Variants in KCNQ1 observed in about 807,000 individuals in gnomAD.
The protein encoded by KCNQ1 is potassium voltage-gated channel subfamily Q member 1.
Under a neutral mutation model 72.4 loss-of-function variants are expected in KCNQ1, and 49 were observed. That is an observed-to-expected ratio of 0.68 (90% confidence interval 0.54 to 0.86). The LOEUF is 0.86. Ranked by LOEUF, KCNQ1 falls within the 40% of genes least tolerant of loss-of-function variation. The probability of loss-of-function intolerance (pLI) is 0.00; values close to 1 mark genes in which losing one functional copy is unlikely to be tolerated. For synonymous variants in KCNQ1, 450 were observed against 412.6 expected (o/e 1.09, Z -1.10); for missense variants, 790 against 945.1 (o/e 0.84, Z 2.15).
intron 15 of KCNQ1, among the ~76,000 whole-genome samples, chr11:2,798,970 G>T (rs1403951525): frequency 6.6e-6 from 1 of 152,148 alleles, no homozygotes; most frequent in African/African-American, 2.4e-5. Flanking sequence ...CGCGTGAAGG[G>T]TACCCACGAG....
intron 10 of KCNQ1, chr11:2,640,822 C>A (rs1003972869): frequency 2.5e-6 from 1 of 399,006 alleles, no homozygotes; most frequent in Non-Finnish European, 4.4e-6. Flanking sequence ...AACCTCTCTT[C>A]ACCCTCCAGA....
rs368049390 is a variant in KCNQ1 at position 2,713,923 on chromosome 11, G to C, written c.1514+51842G>C. Among the ~76,000 whole-genome samples the C allele has an allele frequency of 6.6e-6, 1 of 152,246 alleles. No homozygotes were observed. Among genetic ancestry groups the C allele is most frequent in the African/African-American group, 2.4e-5 (1 of 41,464 alleles). On this transcript the variant is annotated intron_variant, in intron 11 of 15. Coordinates refer to ENST00000155840, the MANE Select transcript of KCNQ1 (RefSeq NM_000218.3). This position sits in a 1 kb window ranked among gnomAD's most constrained non-coding sequence, Gnocchi z 5.6. ...ATGGCCCAGCACGCCGCTCACTGCC[G>C]CGCCTTTGTTCTCTGCTTCCTGCTC... is the stretch of plus-strand genomic sequence containing the variant.
intron 15 of KCNQ1, among the ~76,000 whole-genome samples, chr11:2,801,833 G>A (rs906009814): frequency 3.3e-5 from 5 of 152,332 alleles, no homozygotes; most frequent in Admixed American, 2.0e-4. Context: ...CACTGCCTGC[G>A]CCAGGGAAGA....
At chr11:2,708,790 T>C (rs1408937057) in intron 11 of KCNQ1, among the ~76,000 whole-genome samples, 1 of 152,120 alleles carries the variant, frequency 6.6e-6, no homozygotes, top group East Asian at 1.9e-4. Flanking sequence ...CCTTGGGACA[T>C]GTCAATAGCA....
At position 2,846,091 on chromosome 11, in the gene KCNQ1, A is replaced by G. The variant is rs1446108848; in HGVS notation, c.1795-1676A>G. Among the ~76,000 whole-genome samples the G allele has an allele frequency of 2.6e-5, 4 of 151,876 alleles. No homozygotes were observed. The East Asian group carries it at 7.8e-4, about 29-fold the overall frequency. On this transcript the variant is annotated intron_variant, in intron 15 of 15. Transcript: ENST00000155840. ...CCCGCACAGAACCCAGCCCTGGCCC[A>G]CACCTCACCCCAAGCCTATCCGGCT...
chr11:2,499,617 A>T lies in KCNQ1; in HGVS notation c.387-28311A>T, dbSNP rs534283912. ...ACATAGACTGAAAATTAAGGGCTTG[A>T]AAAAAGATATTCCGTGCCAATAGAA... On this transcript the variant is annotated intron_variant, in intron 1 of 15. Transcript: ENST00000155840. Among the ~76,000 whole-genome samples, 7 of 152,088 alleles carry T rather than the reference A, an allele frequency of 4.6e-5. No homozygotes were observed. In the South Asian group the frequency reaches 8.3e-4, roughly 18 times the overall value.
rs957275367 is a variant in KCNQ1 at position 2,488,062 on chromosome 11, T to G, written c.387-39866T>G. Among the ~76,000 whole-genome samples the G allele has an allele frequency of 6.6e-6, 1 of 152,102 alleles. No individual in the cohort carries two copies. The highest frequency in any genetic ancestry group is 2.4e-5 in the African/African-American group (1 of 41,426). ...CCTTCTATTCCTAGTTTGTTGAGAG[T>G]TTTTAATAAGGATGTTGAATTTTGT... is the stretch of plus-strand genomic sequence containing the variant. On this transcript the variant is annotated intron_variant, in intron 1 of 15. Coordinates refer to ENST00000155840, the MANE Select transcript of KCNQ1 (RefSeq NM_000218.3). This position sits in a 1 kb window ranked among gnomAD's most constrained non-coding sequence, Gnocchi z 5.1.
At chr11:2,793,408 C>CCAGGG (rs61232326) in intron 15 of KCNQ1, among the ~76,000 whole-genome samples, 33,378 of 115,658 alleles carry the variant, frequency 0.29, 4,212 homozygotes, top group African/African-American at 0.41. Context: ...TGGCTTGAGG[C>CCAGGG]CAGGAGTTCA....
chr11:2,740,022 C>T (rs1032345979), intron 11 of KCNQ1, among the ~76,000 whole-genome samples: 6 of 152,240 alleles, frequency 3.9e-5, no homozygotes, highest in Admixed American at 2.0e-4. Context: ...CGGAGCTGGC[C>T]GGCCTGGTCC....
chr11:2,517,016 C>T (rs562918759), intron 1 of KCNQ1, among the ~76,000 whole-genome samples: 3 of 152,260 alleles, frequency 2.0e-5, no homozygotes, highest in Admixed American at 1.3e-4. Context: ...CCCTCAAGCA[C>T]GGCTGTGTTC....
In KCNQ1 at chr11:2,549,510, G is replaced by T. The variant is rs1224848677; in HGVS notation, c.478-21118G>T. ...GGAGGGTCCCCCGGGGGCTGCAAAA[G>T]CAGAGGGAGTGGAGTGTCACCGGGT... On this transcript the variant is annotated intron_variant, in intron 2 of 15. Coordinates refer to ENST00000155840, the MANE Select transcript of KCNQ1 (RefSeq NM_000218.3). The surrounding 1 kb of genome is among the most constrained non-coding windows in gnomAD (Gnocchi z 6.2). Among the ~76,000 whole-genome samples the T allele has an allele frequency of 5.9e-5, 9 of 152,202 alleles. No homozygotes were observed. Among genetic ancestry groups the T allele is most frequent in the African/African-American group, 2.2e-4 (9 of 41,434 alleles).
At chr11:2,773,430 C>G (rs1846634769) in intron 12 of KCNQ1, among the ~76,000 whole-genome samples, 1 of 151,890 alleles carries the variant, frequency 6.6e-6, no homozygotes, top group Non-Finnish European at 1.5e-5. Flanking sequence ...GGCATCCCAT[C>G]TTATAGAAGA....
In KCNQ1 at chr11:2,736,625, C is replaced by T. The variant is rs75636381; in HGVS notation, c.1515-32219C>T. ...GCTTAGGGCCGTCCCTCCCACCCCC[C>T]AGTTACACAGCCTGCAAACCCCAAC... On this transcript the variant is annotated intron_variant, in intron 11 of 15. Transcript: ENST00000155840. Among the ~76,000 whole-genome samples, 2,024 of 152,302 alleles carry T rather than the reference C, an allele frequency of 0.013. 89 individuals are homozygous for T. In the East Asian group the frequency reaches 0.14, roughly 11 times the overall value.
At position 2,608,457 on chromosome 11, in the gene KCNQ1, A is replaced by G. The variant is rs1008177370; in HGVS notation, c.1393+19603A>G. 1 of 398,346 alleles carries G rather than the reference A, an allele frequency of 2.5e-6. No homozygotes were observed. Among genetic ancestry groups the G allele is most frequent in the African/African-American group, 2.1e-5 (1 of 48,578 alleles). The allele number at this position is 398,346 out of a possible 1,614,324, so 24.7% of individuals were successfully genotyped here. A position where few individuals can be genotyped will look rare whatever the true frequency, so the allele number is the denominator to read the frequency against. On this transcript the variant is annotated intron_variant, in intron 10 of 15. Coordinates refer to ENST00000155840, the MANE Select transcript of KCNQ1 (RefSeq NM_000218.3). This position sits in a 1 kb window ranked among gnomAD's most constrained non-coding sequence, Gnocchi z 4.6. ...TTTATTTCTGTCAGGTTGGTAGTAT[A>G]CTTCCCTCATTCATTCCTTTTTCCT... is the stretch of plus-strand genomic sequence containing the variant.
chr11:2,529,275 T>C (rs1847568485), intron 2 of KCNQ1, among the ~76,000 whole-genome samples: 1 of 152,218 alleles, frequency 6.6e-6, no homozygotes, highest in Admixed American at 6.5e-5. Context: ...GTCCCGGTAC[T>C]AAAATCAATT....
intron 10 of KCNQ1, chr11:2,634,549 T>C (rs1849423778): frequency 6.6e-6 from 1 of 152,284 alleles, no homozygotes; most frequent in Non-Finnish European, 1.5e-5. Context: ...ATGGTGTGTA[T>C]GTGCCACATT....
intron 11 of KCNQ1, chr11:2,685,499 A>G (rs1425497939): frequency 1.3e-5 from 5 of 398,714 alleles, no homozygotes; most frequent in Non-Finnish European, 2.2e-5. Flanking sequence ...CAAGTTGCTC[A>G]CATCCAGACA....
intron 1 of KCNQ1, among the ~76,000 whole-genome samples, chr11:2,505,994 C>T (rs1847097623): frequency 6.6e-6 from 1 of 152,146 alleles, no homozygotes; most frequent in Non-Finnish European, 1.5e-5. Flanking sequence ...AATTTGTCCA[C>T]GTGCTTAGCC....
chr11:2,831,711 C>T (rs1470723281), intron 15 of KCNQ1, among the ~76,000 whole-genome samples: 1 of 147,806 alleles, frequency 6.8e-6, no homozygotes, highest in East Asian at 2.0e-4. Flanking sequence ...TCCCCGCTGC[C>T]CTCCCCTCCC....
Sources: allele counts gnomAD v4.1 joint callset (sites outside exome capture counted in the v4.1 genomes callset), GRCh38; gene constraint gnomAD v4.1.1; non-coding constraint Gnocchi (gnomAD v3.1); transcripts MANE v1.5; gene names NCBI Gene and HGNC (gene_info 2026-07-23, HGNC 2026-07-21).